TTC39A: variants seen among roughly 807,000 people sequenced by gnomAD.
TTC39A encodes tetratricopeptide repeat domain 39A.
TTC39A carries 46 observed loss-of-function variants against 82.3 expected under a neutral mutation model. That is an observed-to-expected ratio of 0.56 (90% CI 0.44 to 0.71). TTC39A has a LOEUF of 0.71. Ranked by LOEUF, TTC39A falls within the 30% of genes least tolerant of loss-of-function variation. The probability of loss-of-function intolerance (pLI) is 0.00; values close to 1 mark genes in which losing one functional copy is unlikely to be tolerated. For missense variants in TTC39A, 543 were observed against 712.9 expected (o/e 0.76, Z 2.71); for synonymous variants, 254 against 275.2 (o/e 0.92, Z 0.76).
intron 2 of TTC39A, among the ~76,000 whole-genome samples, chr1:51,313,435 C>T (rs1023015609): frequency 4.6e-5 from 7 of 152,092 alleles, no homozygotes; most frequent in Non-Finnish European, 8.8e-5. Flanking sequence ...TGCCTCTTCC[C>T]ACTCCCTCCC....
intron 12 of TTC39A, chr1:51,301,152 C>T (rs1644638800): frequency 6.2e-6 from 1 of 161,906 alleles, no homozygotes; most frequent in Non-Finnish European, 1.4e-5. Context: ...ATAGTGGCCA[C>T]AAGCCCTACA....
intron 1 of TTC39A, among the ~76,000 whole-genome samples, chr1:51,325,271 C>A (rs1166438757): frequency 1.3e-5 from 2 of 148,530 alleles, no homozygotes; most frequent in East Asian, 2.0e-4. Context: ...AAAAAAAAAA[C>A]CACAAATGTC....
intron 3 of TTC39A, 38 bp downstream of exon 3, chr1:51,312,774 C>T (rs758490364): frequency 6.2e-7 from 1 of 1,600,628 alleles, no homozygotes; most frequent in East Asian, 2.2e-5. Flanking sequence ...GCAGGGTGGG[C>T]CTCCCAACCT....
chr1:51,340,282 G>T (rs1193319275), intron 1 of TTC39A, among the ~76,000 whole-genome samples: 3 of 152,206 alleles, frequency 2.0e-5, no homozygotes, highest in Non-Finnish European at 4.4e-5. Context: ...GGCAGTCAGG[G>T]AGAGAAGGGC....
chr1:51,310,503 AG>A (rs1466126629), intron 5 of TTC39A, among the ~76,000 whole-genome samples: 1 of 152,172 alleles, frequency 6.6e-6, no homozygotes, highest in Non-Finnish European at 1.5e-5. Flanking sequence ...TCATCTCTCC[AG>A]GTCAAAAAGA....
chr1:51,311,941 C>T (rs570943408), intron 4 of TTC39A, among the ~76,000 whole-genome samples, 178 bp downstream of exon 4: 3 of 152,254 alleles, frequency 2.0e-5, no homozygotes, highest in South Asian at 2.1e-4. Flanking sequence ...ACCTGCCCCC[C>T]ACACCCTCAC....
chr1:51,326,168 G>C (rs1466218310), intron 1 of TTC39A, among the ~76,000 whole-genome samples: 1 of 152,168 alleles, frequency 6.6e-6, no homozygotes, highest in African/African-American at 2.4e-5. Flanking sequence ...CAGTGCTCAG[G>C]GCTGTGATCA....
upstream of TTC39A, among the ~76,000 whole-genome samples, chr1:51,334,301 C>T (rs574123080): frequency 3.3e-5 from 5 of 151,644 alleles, no homozygotes; most frequent in Admixed American, 6.6e-5. Context: ...GTCAGGAGTT[C>T]GAGACCAGCC....
chr1:51,300,890 G>A (rs1644625932), intron 12 of TTC39A: 2 of 152,222 alleles, frequency 1.3e-5, no homozygotes, highest in Non-Finnish European at 2.9e-5. Context: ...CAAACTGTGG[G>A]ACTCTGGTTG....
At chr1:51,325,269 A>C (rs1447912541) in intron 1 of TTC39A, among the ~76,000 whole-genome samples, 13 of 152,042 alleles carry the variant, frequency 8.6e-5, no homozygotes, top group African/African-American at 2.9e-4. Context: ...AAAAAAAAAA[A>C]ACCACAAATG....
At chr1:51,329,030 G>A (rs1042861255) in intron 1 of TTC39A, among the ~76,000 whole-genome samples, 6 of 152,174 alleles carry the variant, frequency 3.9e-5, no homozygotes, top group African/African-American at 1.4e-4. Context: ...AGGCAGGTAC[G>A]GTTCTGCATA....
Position 51,290,131 on chromosome 1 carries a change from G to A in TTC39A, c.1379-12C>T. 1 of 1,608,140 alleles carries A rather than the reference G, an allele frequency of 6.2e-7. No individual in the cohort carries two copies. The highest frequency in any genetic ancestry group is 8.5e-7 in the Non-Finnish European group (1 of 1,176,916). On this transcript the variant is annotated splice_polypyrimidine_tract_variant and intron_variant, in intron 15 of 17. Coordinates refer to ENST00000680483, the MANE Select transcript of TTC39A (RefSeq NM_001297663.2). ...TGAGTACTCGTTCTCTGAAAATAGG[G>A]ATGTGAGGGAAAAAGACAGACTTGT...
intron 12 of TTC39A, chr1:51,297,132 C>G (rs925197020): frequency 6.6e-6 from 1 of 152,218 alleles, no homozygotes; most frequent in African/African-American, 2.4e-5. Context: ...GGCCTCAGCC[C>G]GCCCTTCACA....
chr1:51,310,589 A>G (rs1403273786), intron 5 of TTC39A, among the ~76,000 whole-genome samples: 1 of 152,184 alleles, frequency 6.6e-6, no homozygotes, highest in African/African-American at 2.4e-5. Flanking sequence ...AAATACACAT[A>G]TATAATGATG....
intron 2 of TTC39A, among the ~76,000 whole-genome samples, chr1:51,314,707 G>C (rs968930787): frequency 2.6e-5 from 4 of 152,132 alleles, no homozygotes; most frequent in African/African-American, 4.8e-5. Context: ...TGCCCAGAGT[G>C]GGGGCCAGAA....
At chr1:51,292,427 C>G (rs967641623) in intron 14 of TTC39A, among the ~76,000 whole-genome samples, 1 of 152,104 alleles carries the variant, frequency 6.6e-6, no homozygotes, top group African/African-American at 2.4e-5. Context: ...GCAAATGTTT[C>G]ATTCTATTTT....
chr1:51,291,597 C>A (rs1439655578), intron 14 of TTC39A, among the ~76,000 whole-genome samples: 1 of 143,138 alleles, frequency 7.0e-6, no homozygotes, highest in Non-Finnish European at 1.5e-5. Context: ...TCAAGACCAG[C>A]CTGGGCAACA....
upstream of TTC39A, among the ~76,000 whole-genome samples, chr1:51,336,142 C>T (rs1202751772): frequency 6.6e-6 from 1 of 152,154 alleles, no homozygotes; most frequent in Non-Finnish European, 1.5e-5. Flanking sequence ...AGCGAGTGAG[C>T]CCCACCCTAA....
intron 2 of TTC39A, 131 bp from the exon 3 acceptor site, chr1:51,313,074 G>A: frequency 7.8e-7 from 1 of 1,285,942 alleles, no homozygotes; most frequent in Non-Finnish European, 1.1e-6. Context: ...GCACGGGGAG[G>A]GCCTTGGCCA....
Sources: gnomAD v4.1 joint callset for allele counts (sites outside exome capture counted in the v4.1 genomes callset) on GRCh38, gnomAD v4.1.1 for gene constraint, MANE v1.5 for transcripts, NCBI Gene and HGNC (gene_info 2026-07-23, HGNC 2026-07-21) for gene names.